The following CFAP52 variants were observed in gnomAD, a reference collection of about 807,000 sequenced individuals.
CFAP52 encodes cilia- and flagella-associated protein 52.
Under a neutral mutation model 70.5 loss-of-function variants are expected in CFAP52, and 57 were observed. The observed-to-expected ratio is 0.81, with a 90% CI of 0.65 to 1.01. The LOEUF (loss-of-function observed/expected upper bound fraction) is 1.01. Ranked by LOEUF, CFAP52 falls within the 50% of genes least tolerant of loss-of-function variation. CFAP52 has a pLI of 0.00. For missense variants in CFAP52, 785 were observed against 788.5 expected, an observed-to-expected ratio of 1.00 and a Z score of 0.05; for synonymous variants, 267 against 292.5, an observed-to-expected ratio of 0.91 and a Z score of 0.89.
chr17:9,585,617 GC>G (rs11309835), intron 1 of CFAP52, among the ~76,000 whole-genome samples, 155 bp from the exon 2 acceptor site: 152,259 of 152,260 alleles, frequency 1, 76,129 homozygotes, highest in Non-Finnish European at 1. Flanking sequence ...GTTGCAGTGA[GC>G]CCAAGACTGC....
intron 1 of CFAP52, among the ~76,000 whole-genome samples, chr17:9,579,786 T>C (rs1908130546): frequency 6.6e-6 from 1 of 152,212 alleles, no homozygotes; most frequent in South Asian, 2.1e-4. Context: ...CAGGCTGGTC[T>C]TGAACTCCTG....
At chr17:9,613,110 ATCT>A (rs1195944021) in intron 8 of CFAP52, among the ~76,000 whole-genome samples, 3 of 151,982 alleles carry the variant, frequency 2.0e-5, no homozygotes, top group Non-Finnish European at 2.9e-5. Context: ...ATATAGCCCC[ATCT>A]TAAGACACGA....
intron 5 of CFAP52, 79 bp from the exon 6 acceptor site, chr17:9,599,988 G>T: frequency 2.6e-6 from 3 of 1,171,522 alleles, no homozygotes; most frequent in Non-Finnish European, 2.5e-6. Context: ...TGATCCACCC[G>T]CCTCGGCCTC....
At chr17:9,617,053 G>A (rs1430447440) in intron 8 of CFAP52, among the ~76,000 whole-genome samples, 1 of 88,760 alleles carries the variant, frequency 1.1e-5, no homozygotes, top group East Asian at 4.2e-4. Context: ...GTTACTCTGA[G>A]CTACGGGAGG....
At chr17:9,616,431 C>A (rs1197937582) in intron 8 of CFAP52, among the ~76,000 whole-genome samples, 1 of 130,058 alleles carries the variant, frequency 7.7e-6, no homozygotes, top group African/African-American at 3.1e-5. Context: ...GAGGGGCGCC[C>A]GCCATTGCCC....
At chr17:9,633,356 C>A (rs767782726) in intron 10 of CFAP52, among the ~76,000 whole-genome samples, 6 of 152,188 alleles carry the variant, frequency 3.9e-5, no homozygotes, top group Non-Finnish European at 7.4e-5. Flanking sequence ...AGGCGCACAC[C>A]GTCATGCCCA....
intron 3 of CFAP52, among the ~76,000 whole-genome samples, chr17:9,587,490 T>C (rs1022605247): frequency 1.3e-5 from 2 of 152,228 alleles, no homozygotes; most frequent in African/African-American, 4.8e-5. Context: ...CCACCAACAG[T>C]ACCTAAGCAT....
intron 6 of CFAP52, among the ~76,000 whole-genome samples, chr17:9,600,462 T>C (rs1909218362): frequency 6.6e-6 from 1 of 152,090 alleles, no homozygotes. Flanking sequence ...AGGCTAATCT[T>C]GAACTCCTGA....
In CFAP52 at chr17:9,585,865, A is replaced by G. The variant is rs1908444444; in HGVS notation, c.163A>G (p.Lys55Glu). 2 of 1,613,902 alleles carry G rather than the reference A, an allele frequency of 1.2e-6. No individual in the cohort carries two copies. Among genetic ancestry groups the G allele is most frequent in the South Asian group, 1.1e-5 (1 of 91,084 alleles). The change falls in exon 2 of 14, where the codon AAA (lysine) becomes GAA (glutamate). Residue 55 changes from lysine (K) to glutamate (E), a missense_variant. By Grantham distance (56) the Lys-to-Glu change is moderately conservative. Coordinates refer to ENST00000352665, the MANE Select transcript of CFAP52 (RefSeq NM_145054.5). ...CTVLIQAINT[K>E]EQNFLQGHGN... ...AGTCCTCATTCAGGCAATAAATACT[A>G]AAGAGCAGAACTTCCTACAGGGTCA...
At chr17:9,588,984 C>G (rs1364832581) in intron 3 of CFAP52, among the ~76,000 whole-genome samples, 1 of 152,110 alleles carries the variant, frequency 6.6e-6, no homozygotes, top group Non-Finnish European at 1.5e-5. Flanking sequence ...GGCCTGTAAT[C>G]CCAGCTACTT....
chr17:9,585,725 G>A (rs747690759), intron 1 of CFAP52, 48 bp from the exon 2 acceptor site: 5 of 1,584,172 alleles, frequency 3.2e-6, no homozygotes, highest in Middle Eastern at 1.7e-4. Flanking sequence ...GAAAATTCCT[G>A]GCCACTTCTG....
intron 5 of CFAP52, among the ~76,000 whole-genome samples, chr17:9,599,101 G>C (rs1343088001): frequency 1.3e-5 from 2 of 152,122 alleles, no homozygotes; most frequent in East Asian, 3.9e-4. Flanking sequence ...TATCTGACAT[G>C]CATATAGCCA....
At chr17:9,614,310 C>T (rs1472900194) in intron 8 of CFAP52, among the ~76,000 whole-genome samples, 3 of 152,008 alleles carry the variant, frequency 2.0e-5, no homozygotes, top group Admixed American at 1.3e-4. Context: ...CATGTGCCAC[C>T]GCGCCCAGCT....
intron 12 of CFAP52, among the ~76,000 whole-genome samples, chr17:9,640,409 C>T (rs1292543189): frequency 2.0e-5 from 3 of 150,964 alleles, no homozygotes; most frequent in African/African-American, 7.3e-5. Flanking sequence ...CACCACCCCC[C>T]GACAGGTGCC....
intron 13 of CFAP52, among the ~76,000 whole-genome samples, chr17:9,642,276 G>A (rs1427814160): frequency 1.3e-5 from 2 of 152,166 alleles, no homozygotes; most frequent in Non-Finnish European, 2.9e-5. Flanking sequence ...ACAACATGCC[G>A]ATTGGAACAT....
Position 9,641,785 on chromosome 17 carries a change from G to T in CFAP52, c.1637G>T (p.Gly546Val). ...VIRELEGSLS[G>V]SINGMDITQE... The stretch of plus-strand genomic sequence containing the variant: ...AGAGAATTGGAAGGTTCCCTGTCTG[G>T]GTCGATAAATGGCATGGATATCACA... The change falls in exon 13 of 14, where the codon GGG becomes GTG. Residue 546 changes from glycine (G) to valine (V), a missense_variant. Physicochemically the swap from Gly to Val is moderately radical, Grantham distance 109. Coordinates refer to ENST00000352665, the MANE Select transcript of CFAP52 (RefSeq NM_145054.5). 1 of 1,613,996 alleles carries T rather than the reference G, an allele frequency of 6.2e-7. No homozygotes were observed. The highest frequency in any genetic ancestry group is 8.5e-7 in the Non-Finnish European group (1 of 1,179,920).
At chr17:9,578,307 G>GTT (rs553473482) in intron 1 of CFAP52, among the ~76,000 whole-genome samples, 95 of 152,290 alleles carry the variant, frequency 6.2e-4, no homozygotes, top group Non-Finnish European at 1.2e-3. Context: ...ATGACGGCAC[G>GTT]TTAAGTGGGA....
At chr17:9,590,208 G>C (rs1324199294) in intron 3 of CFAP52, 5 of 180,724 alleles carry the variant, frequency 2.8e-5, no homozygotes, top group African/African-American at 1.2e-4. Context: ...TCCTCATCCA[G>C]GTTACTTTCT....
chr17:9,583,968 C>T (rs995083102), intron 1 of CFAP52, among the ~76,000 whole-genome samples: 19 of 152,128 alleles, frequency 1.2e-4, no homozygotes, highest in African/African-American at 3.9e-4. Context: ...AATAAACTAG[C>T]GTTCAAAGAC....
Sources: gnomAD v4.1 joint callset for allele counts (sites outside exome capture counted in the v4.1 genomes callset) on GRCh38, gnomAD v4.1.1 for gene constraint, MANE v1.5 for transcripts, NCBI Gene and HGNC (gene_info 2026-07-23, HGNC 2026-07-21) for gene names.